The following PPARGC1B variants were observed in gnomAD, a reference collection of about 807,000 sequenced individuals.
The protein encoded by PPARGC1B is PPARG coactivator 1 beta, also known as peroxisome proliferator-activated receptor gamma coactivator 1-beta.
In PPARGC1B, 34 loss-of-function variants were observed where a neutral mutation model predicts 101.6. The observed-to-expected ratio is 0.33, with a 90% confidence interval of 0.25 to 0.45. PPARGC1B has a LOEUF of 0.45. Among genes scored for constraint, PPARGC1B ranks in the 20% least tolerant of loss-of-function variants. PPARGC1B has a pLI of 1.00. For missense variants in PPARGC1B, 1,234 were observed against 1,317.6 expected (o/e 0.94, Z 0.98); for synonymous variants, 548 against 539.3 (o/e 1.02, Z -0.22).
At chr5:149,846,025 C>A in intron 11 of PPARGC1B, 111 bp downstream of exon 11, 1 of 1,289,750 alleles carries the variant, frequency 7.8e-7, no homozygotes, top group Non-Finnish European at 1.1e-6. Flanking sequence ...GCTTCCATCC[C>A]CACACCCCAG....
chr5:149,731,622 G>C (rs970124011), intron 1 of PPARGC1B, among the ~76,000 whole-genome samples: 12 of 152,126 alleles, frequency 7.9e-5, no homozygotes, highest in Non-Finnish European at 1.3e-4. Context: ...GGCGGAGATT[G>C]GGGGAGGGAG....
chr5:149,733,274 T>C (rs1230189180), intron 1 of PPARGC1B, among the ~76,000 whole-genome samples: 1 of 152,204 alleles, frequency 6.6e-6, no homozygotes, highest in Non-Finnish European at 1.5e-5. Flanking sequence ...AGTACGGAAA[T>C]TTAGCAGAAC....
intron 1 of PPARGC1B, among the ~76,000 whole-genome samples, chr5:149,796,955 G>A (rs747868517): frequency 3.4e-4 from 52 of 152,308 alleles, no homozygotes; most frequent in Middle Eastern, 3.4e-3. Flanking sequence ...GGAAGGACAC[G>A]GTTTGTTTTG....
rs376230430 is a variant in PPARGC1B at position 149,826,893 on chromosome 5, C to T, written c.465+8C>T. 4.7e-5 allele frequency: 75 copies of T among 1,597,482 alleles called. No individual in the cohort carries two copies. In the African/African-American group the frequency reaches 9.4e-4, roughly 20 times the overall value. ...GTGGACGAGCTCTCACTGGTAAGAA[C>T]CTACTTACAGCAGAAGTGATGGTTG... On this transcript the variant is annotated splice_region_variant and intron_variant, in intron 3 of 11. Transcript: ENST00000309241.
At position 149,823,598 on chromosome 5, in the gene PPARGC1B, T is replaced by C. The variant is rs144488714; in HGVS notation, c.252+2992T>C. 8.1e-3 allele frequency among the ~76,000 whole-genome samples: 1,229 copies of C among 152,252 alleles called. 9 individuals are homozygous for C. The highest frequency in any genetic ancestry group is 0.027 in the South Asian group (130 of 4,828). On this transcript the variant is annotated intron_variant, in intron 2 of 11. Transcript: ENST00000309241. ...TAACTCTCCATTAATTTGCACTCTGTTTCTGTGCTGAGCAGGGAGAGCCGA... is the reference window on the plus strand; with the variant it reads ...TAACTCTCCATTAATTTGCACTCTGCTTCTGTGCTGAGCAGGGAGAGCCGA...
intron 1 of PPARGC1B, among the ~76,000 whole-genome samples, chr5:149,741,637 T>TG (rs1156731582): frequency 6.6e-6 from 1 of 151,788 alleles, no homozygotes; most frequent in Non-Finnish European, 1.5e-5. Flanking sequence ...TTTTTTTTTT[T>TG]TTTTTCGTGA....
intron 11 of PPARGC1B, 138 bp from the exon 12 acceptor site, chr5:149,847,320 C>T: frequency 1.3e-6 from 1 of 784,474 alleles, no homozygotes; most frequent in Non-Finnish European, 2.4e-6. Context: ...CAGTCCAGCG[C>T]TCATCCCAGC....
intron 8 of PPARGC1B, among the ~76,000 whole-genome samples, chr5:149,838,295 A>G (rs1759190738): frequency 6.6e-6 from 1 of 152,134 alleles, no homozygotes; most frequent in African/African-American, 2.4e-5. Context: ...GCTCCCCGCA[A>G]ACTTGTTAAG....
intron 1 of PPARGC1B, among the ~76,000 whole-genome samples, chr5:149,791,312 A>AT (rs1485000916): frequency 4.0e-5 from 6 of 151,344 alleles, no homozygotes; most frequent in South Asian, 4.2e-4. Context: ...AAAAATTTCT[A>AT]TTAAAAAAAC....
chr5:149,813,796 G>T (rs566365785), intron 1 of PPARGC1B, among the ~76,000 whole-genome samples: 1 of 152,194 alleles, frequency 6.6e-6, no homozygotes, highest in Non-Finnish European at 1.5e-5. Context: ...AGTTCTGGAG[G>T]CTGGGAAGCC....
chr5:149,824,965 CA>C (rs144936037), intron 2 of PPARGC1B, among the ~76,000 whole-genome samples: 2,486 of 152,348 alleles, frequency 0.016, 71 homozygotes, highest in African/African-American at 0.056. Flanking sequence ...TTAGTGCAGC[CA>C]AAAGGCCGTC....
intron 1 of PPARGC1B, among the ~76,000 whole-genome samples, chr5:149,805,275 G>A (rs907061576): frequency 1.3e-5 from 2 of 152,236 alleles, no homozygotes; most frequent in East Asian, 3.9e-4. Context: ...CTTAGTCTGG[G>A]GTTTGGGTCA....
At chr5:149,762,207 G>A (rs1162064072) in intron 1 of PPARGC1B, among the ~76,000 whole-genome samples, 1 of 151,460 alleles carries the variant, frequency 6.6e-6, no homozygotes, top group African/African-American at 2.4e-5. Context: ...GGAGTGCAGG[G>A]GTGCAATCTC....
At chr5:149,846,918 CTA>C (rs767380841) in intron 11 of PPARGC1B, 1 of 169,294 alleles carries the variant, frequency 5.9e-6, no homozygotes, top group Non-Finnish European at 1.3e-5. Flanking sequence ...AACCCCCTCT[CTA>C]TTAAAAATAC....
intron 1 of PPARGC1B, among the ~76,000 whole-genome samples, chr5:149,799,056 C>CT (rs35603917): frequency 0.27 from 40,572 of 151,500 alleles, 5,808 homozygotes; most frequent in East Asian, 0.32. Flanking sequence ...GTGGTCCAAA[C>CT]TCAGCCACAG....
chr5:149,819,971 A>G (rs985037907), intron 1 of PPARGC1B, among the ~76,000 whole-genome samples: 2 of 152,112 alleles, frequency 1.3e-5, no homozygotes, highest in African/African-American at 4.8e-5. Flanking sequence ...GGGAACATGA[A>G]TGGGTGTTTC....
chr5:149,788,550 A>G (rs1484519743), intron 1 of PPARGC1B, among the ~76,000 whole-genome samples: 2 of 152,326 alleles, frequency 1.3e-5, no homozygotes, highest in South Asian at 4.1e-4. Flanking sequence ...TAGAAATAAC[A>G]TTTGACCCAG....
At chr5:149,805,407 G>A (rs914531830) in intron 1 of PPARGC1B, among the ~76,000 whole-genome samples, 1 of 152,168 alleles carries the variant, frequency 6.6e-6, no homozygotes, top group Non-Finnish European at 1.5e-5. Flanking sequence ...TACTTCTAAT[G>A]TGTAAGAAAG....
intron 1 of PPARGC1B, among the ~76,000 whole-genome samples, chr5:149,802,238 C>T (rs1189056715): frequency 6.6e-6 from 1 of 152,206 alleles, no homozygotes; most frequent in Admixed American, 6.5e-5. Context: ...CATTGTCCTA[C>T]ACGGTCTGAA....
Sources: allele counts gnomAD v4.1 joint callset (sites outside exome capture counted in the v4.1 genomes callset), GRCh38; gene constraint gnomAD v4.1.1; transcripts MANE v1.5; gene names NCBI Gene and HGNC (gene_info 2026-07-23, HGNC 2026-07-21).